Variants in INPP4B observed in about 807,000 individuals in gnomAD.
INPP4B encodes inositol polyphosphate-4-phosphatase type II B.
INPP4B carries 55 observed loss-of-function variants against 122.5 expected under a neutral mutation model. The ratio of observed to expected loss-of-function variants is 0.45; its 90% CI spans 0.36 to 0.56. The LOEUF is 0.56. Among genes scored for constraint, INPP4B ranks in the 20% least tolerant of loss-of-function variants. The pLI is 0.00. For missense variants in INPP4B, 1,000 were observed against 1,097.7 expected, an observed-to-expected ratio of 0.91 and a Z score of 1.26; for synonymous variants, 403 against 388.7, an observed-to-expected ratio of 1.04 and a Z score of -0.43.
In INPP4B at chr4:142,045,056, T is replaced by TAACA. The variant is rs58577542; in HGVS notation, c.2643-16146_2643-16143dup. 7.1e-3 allele frequency among the ~76,000 whole-genome samples: 1,080 copies of TAACA among 152,278 alleles called. 14 individuals carry two copies. Among genetic ancestry groups the TAACA allele is most frequent in the African/African-American group, 0.025 (1,031 of 41,558 alleles). On this transcript the variant is annotated intron_variant, in intron 25 of 25. Transcript: ENST00000262992. Reference sequence around the variant, plus strand: ...AGCCAAAATTGAATTTCTGAGCACCTAACAATTAATGTCAAAATATATTAG... The same window carrying TAACA: ...AGCCAAAATTGAATTTCTGAGCACCTAACAAACAATTAATGTCAAAATATATTAG...
At chr4:142,731,364 G>T (rs1470801698) in intron 1 of INPP4B, among the ~76,000 whole-genome samples, 1 of 152,034 alleles carries the variant, frequency 6.6e-6, no homozygotes, top group Non-Finnish European at 1.5e-5. Context: ...TTTCTGCCAG[G>T]CATAGCATTT....
At chr4:142,227,112 G>A (rs527745733) in intron 12 of INPP4B, among the ~76,000 whole-genome samples, 5 of 152,240 alleles carry the variant, frequency 3.3e-5, no homozygotes, top group Middle Eastern at 6.8e-3. Flanking sequence ...TGAACTCCAT[G>A]GCAGTGGATG....
rs146684481 is a variant in INPP4B, at chr4:142,423,751, G to A, written c.136+5422C>T. 3,760 of 424,436 alleles carry A rather than the reference G, an allele frequency of 8.9e-3. 26 individuals are homozygous for A. Among genetic ancestry groups the A allele is most frequent in the Non-Finnish European group, 0.012 (2,689 of 217,308 alleles). 26.3% of individuals were successfully genotyped at this position (424,436 alleles called of 1,614,324 possible). On this transcript the variant is annotated intron_variant, in intron 5 of 25. Transcript: ENST00000262992. ...CACATGACACTTTTTACAATCATCC[G>A]CTTCCATAGAAAAAAAACAGACCTT... is the stretch of plus-strand genomic sequence containing the variant.
At chr4:142,435,605 T>C (rs1034034411) in intron 3 of INPP4B, among the ~76,000 whole-genome samples, 9 of 152,300 alleles carry the variant, frequency 5.9e-5, no homozygotes, top group African/African-American at 2.2e-4. Flanking sequence ...TCATCAGGAC[T>C]GATAGGTGGC....
intron 23 of INPP4B, among the ~76,000 whole-genome samples, chr4:142,086,557 G>T (rs1273700569): frequency 6.6e-6 from 1 of 152,024 alleles, no homozygotes. Flanking sequence ...TTTGGCCATT[G>T]TCACCCAGGC....
intron 9 of INPP4B, among the ~76,000 whole-genome samples, chr4:142,276,857 T>C (rs1328680265): frequency 6.6e-6 from 1 of 151,900 alleles, no homozygotes; most frequent in East Asian, 1.9e-4. Context: ...CTCATGACAC[T>C]ATTAAAAATA....
At chr4:142,656,314 T>C (rs1754130157) in intron 2 of INPP4B, among the ~76,000 whole-genome samples, 1 of 152,182 alleles carries the variant, frequency 6.6e-6, no homozygotes, top group African/African-American at 2.4e-5. Context: ...ATCCCGTCTG[T>C]AGCAGAACTA....
chr4:142,288,339 C>CT (rs1411885362), intron 9 of INPP4B, among the ~76,000 whole-genome samples: 1 of 152,200 alleles, frequency 6.6e-6, no homozygotes, highest in Admixed American at 6.5e-5. Context: ...AATCCCAGCA[C>CT]TTTGAGAGGC....
chr4:142,601,626 A>C (rs1428099938), intron 2 of INPP4B, among the ~76,000 whole-genome samples: 2 of 151,666 alleles, frequency 1.3e-5, no homozygotes, highest in African/African-American at 4.8e-5. Flanking sequence ...TATACAACCT[A>C]ATGATGCACC....
intron 2 of INPP4B, among the ~76,000 whole-genome samples, chr4:142,709,700 C>T (rs1255554850): frequency 6.6e-6 from 1 of 152,182 alleles, no homozygotes; most frequent in Non-Finnish European, 1.5e-5. Context: ...TAAACCTCCT[C>T]CTTTATTAAT....
chr4:142,277,416 A>AGG (rs1480107195), intron 9 of INPP4B, among the ~76,000 whole-genome samples: 1 of 151,882 alleles, frequency 6.6e-6, no homozygotes, highest in African/African-American at 2.4e-5. Context: ...TGTGGTGAAA[A>AGG]GGGAACACTT....
intron 2 of INPP4B, among the ~76,000 whole-genome samples, chr4:142,578,717 G>A (rs1017357918): frequency 2.0e-5 from 3 of 151,892 alleles, no homozygotes; most frequent in Admixed American, 6.6e-5. Context: ...GGTACTGGGG[G>A]TTAGGGATTT....
chr4:142,399,104 C>T (rs1452310138), intron 7 of INPP4B, among the ~76,000 whole-genome samples: 1 of 151,316 alleles, frequency 6.6e-6, no homozygotes, highest in Admixed American at 6.6e-5. Flanking sequence ...TCAATATCTT[C>T]CACAGCACCA....
intron 2 of INPP4B, among the ~76,000 whole-genome samples, chr4:142,499,163 A>T (rs185793864): frequency 2.9e-4 from 44 of 152,312 alleles, no homozygotes; most frequent in Non-Finnish European, 4.6e-4. Context: ...ATCTGCAAAG[A>T]TAAAGAAAAA....
intron 7 of INPP4B, among the ~76,000 whole-genome samples, chr4:142,349,862 C>A (rs1781421583): frequency 6.7e-6 from 1 of 149,430 alleles, no homozygotes; most frequent in African/African-American, 2.4e-5. Flanking sequence ...AATTCCAGAT[C>A]TTTCTGAAAC....
chr4:142,456,647 A>G (rs1040398588), intron 3 of INPP4B, among the ~76,000 whole-genome samples: 1 of 152,146 alleles, frequency 6.6e-6, no homozygotes, highest in Non-Finnish European at 1.5e-5. Flanking sequence ...TTCTTTATAT[A>G]GAATCTATGT....
intron 5 of INPP4B, among the ~76,000 whole-genome samples, chr4:142,405,742 A>C (rs946417359): frequency 6.6e-6 from 1 of 152,152 alleles, no homozygotes; most frequent in Non-Finnish European, 1.5e-5. Context: ...GATTAGATCA[A>C]GTGTTTGAAT....
intron 5 of INPP4B, among the ~76,000 whole-genome samples, chr4:142,423,401 A>G (rs1807348475): frequency 1.3e-5 from 2 of 152,094 alleles, no homozygotes; most frequent in South Asian, 4.1e-4. Context: ...AAAACTGATC[A>G]CATGATTTTA....
intron 3 of INPP4B, among the ~76,000 whole-genome samples, chr4:142,454,876 A>T (rs2149535375): frequency 6.6e-6 from 1 of 152,196 alleles, no homozygotes; most frequent in South Asian, 2.1e-4. Flanking sequence ...AGTAGGAGTA[A>T]ATACAATAAG....
Sources: allele counts gnomAD v4.1 joint callset (sites outside exome capture counted in the v4.1 genomes callset), GRCh38; gene constraint gnomAD v4.1.1; transcripts MANE v1.5; gene names NCBI Gene and HGNC (gene_info 2026-07-23, HGNC 2026-07-21).